PGAP1: variants seen among roughly 807,000 people sequenced by gnomAD.
The protein encoded by PGAP1 is GPI inositol-deacylase.
Under a neutral mutation model 127.0 loss-of-function variants are expected in PGAP1, and 76 were observed. The ratio of observed to expected loss-of-function variants is 0.60; its 90% CI spans 0.50 to 0.72. The LOEUF (loss-of-function observed/expected upper bound fraction) is 0.72, where lower values mean the gene tolerates loss of function less well. Among genes scored for constraint, PGAP1 ranks in the 30% least tolerant of loss-of-function variants. PGAP1 has a pLI of 0.00. For synonymous variants in PGAP1, 362 were observed against 366.5 expected, an observed-to-expected ratio of 0.99 and a Z score of 0.14; for missense variants, 982 against 1,071.3, an observed-to-expected ratio of 0.92 and a Z score of 1.16.
At chr2:196,900,814 C>G (rs1235178920) in intron 5 of PGAP1, among the ~76,000 whole-genome samples, 9 of 152,188 alleles carry the variant, frequency 5.9e-5, no homozygotes, top group East Asian at 5.8e-4. Flanking sequence ...GTAGTCCCAG[C>G]TACTCGGGAG....
At chr2:196,906,562 A>G (rs1242049144) in intron 4 of PGAP1, among the ~76,000 whole-genome samples, 1 of 40,802 alleles carries the variant, frequency 2.5e-5, no homozygotes, top group African/African-American at 5.8e-5. Context: ...CTCCAAAGGA[A>G]CGCAGTTCCT....
At chr2:196,876,950 T>C (rs1701586681) in intron 13 of PGAP1, among the ~76,000 whole-genome samples, 1 of 152,060 alleles carries the variant, frequency 6.6e-6, no homozygotes, top group South Asian at 2.1e-4. Context: ...TAAAAGATTA[T>C]AGCAATCATT....
chr2:196,872,493 T>C lies in PGAP1; in HGVS notation c.1676A>G (p.Asn559Ser). Residue 559 changes from asparagine (N) to serine (S), a missense_variant, in exon 18 of 27, where the codon AAT (asparagine) becomes AGT (serine). Coordinates refer to ENST00000354764, the MANE Select transcript of PGAP1 (RefSeq NM_024989.4). ...LKLHIAQPENNTHVALFKMYT... is the reference protein window; with the variant it reads ...LKLHIAQPENSTHVALFKMYT... ...CATTTTAAATAATGCCACATGGGTA[T>C]TGTTTTCTGGTTGAGCAATATGGAG... 1 of 1,613,544 alleles carries C rather than the reference T, an allele frequency of 6.2e-7. No homozygotes were observed. Among genetic ancestry groups the C allele is most frequent in the Non-Finnish European group, 8.5e-7 (1 of 1,179,478 alleles).
chr2:196,845,397 T>C (rs1242646232), intron 23 of PGAP1, among the ~76,000 whole-genome samples: 1 of 151,662 alleles, frequency 6.6e-6, no homozygotes, highest in Non-Finnish European at 1.5e-5. Context: ...ATCAGACACG[T>C]TTTTCACTTC....
chr2:196,853,620 A>G (rs1170803232), intron 20 of PGAP1, among the ~76,000 whole-genome samples: 1 of 152,168 alleles, frequency 6.6e-6, no homozygotes, highest in Non-Finnish European at 1.5e-5. Flanking sequence ...ACTGCAACAG[A>G]CTTTTCTTTA....
intron 22 of PGAP1, among the ~76,000 whole-genome samples, chr2:196,846,422 G>A (rs1700557231): frequency 6.6e-6 from 1 of 152,112 alleles, no homozygotes; most frequent in Non-Finnish European, 1.5e-5. Flanking sequence ...CATCTCAGAA[G>A]GGTGGAGGAA....
At chr2:196,920,318 A>T (rs1297010145) in intron 1 of PGAP1, among the ~76,000 whole-genome samples, 168 bp from the exon 2 acceptor site, 2 of 152,148 alleles carry the variant, frequency 1.3e-5, no homozygotes, top group African/African-American at 2.4e-5. Flanking sequence ...TAGTTTATTC[A>T]TATAGAGAAT....
rs753211837 is a variant in PGAP1 at position 196,872,598 on chromosome 2, A to G, written c.1620-49T>C. On this transcript the variant is annotated intron_variant, in intron 17 of 26. Coordinates refer to ENST00000354764, the MANE Select transcript of PGAP1 (RefSeq NM_024989.4). ...ATTCTCAAATACAAAATGCTGGTAA[A>G]GAGCCATGGCTAAGTTAATCCTCAG... The G allele has an allele frequency of 4.3e-5, 56 of 1,307,800 alleles. No individual in the cohort carries two copies. In the Middle Eastern group the frequency reaches 7.3e-4, roughly 17 times the overall value. The allele number at this position is 1,307,800 out of a possible 1,614,324, so 81.0% of individuals were successfully genotyped here.
rs1701703608 is a variant in PGAP1, at chr2:196,880,738, A to C, written c.1273-585T>G. Among the ~76,000 whole-genome samples the C allele has an allele frequency of 2.6e-5, 4 of 152,216 alleles. No homozygotes were observed. The South Asian group carries it at 8.3e-4, about 32-fold the overall frequency. ...AATAATGCACCTCACCAAATAAGTAATTATTTATTTCTCAAAATTAAGACC... is the reference window on the plus strand; with the variant it reads ...AATAATGCACCTCACCAAATAAGTACTTATTTATTTCTCAAAATTAAGACC... On this transcript the variant is annotated intron_variant, in intron 12 of 26. Coordinates refer to ENST00000354764, the MANE Select transcript of PGAP1 (RefSeq NM_024989.4).
intron 18 of PGAP1, among the ~76,000 whole-genome samples, chr2:196,872,050 T>A (rs1358375562): frequency 6.6e-6 from 1 of 152,118 alleles, no homozygotes; most frequent in African/African-American, 2.4e-5. Flanking sequence ...GGAAAGAAGA[T>A]CCTTAAGCTA....
intron 4 of PGAP1, among the ~76,000 whole-genome samples, chr2:196,911,161 G>A (rs1394081375): frequency 2.4e-4 from 1 of 4,248 alleles, no homozygotes; most frequent in African/African-American, 1.4e-3. Flanking sequence ...GCACACGTAT[G>A]TTTATTGAGG....
At position 196,834,195 on chromosome 2, in the gene PGAP1, A is replaced by G. The variant is rs1700174033; in HGVS notation, c.*7039T>C. 2 of 151,930 alleles carry G rather than the reference A, an allele frequency of 1.3e-5. No individual in the cohort carries two copies. The highest frequency in any genetic ancestry group is 2.9e-5 in the Non-Finnish European group (2 of 67,904). 9.4% of individuals were successfully genotyped at this position (151,930 alleles called of 1,614,324 possible). On this transcript the variant is annotated 3_prime_UTR_variant, in exon 27 of 27. Transcript: ENST00000354764. ...CAATGCTACCACCTTCTCCTAGAAT[A>G]TTTTTTCAGAAACCTAAGCCAAACC...
chr2:196,873,061 C>A, intron 16 of PGAP1, 35 bp from the exon 17 acceptor site: 2 of 649,908 alleles, frequency 3.1e-6, no homozygotes, highest in Non-Finnish European at 5.4e-6. Flanking sequence ...TTATTAACAA[C>A]ATGTTACCCT....
At chr2:196,901,489 A>C (rs548105863) in intron 5 of PGAP1, among the ~76,000 whole-genome samples, 1 of 152,348 alleles carries the variant, frequency 6.6e-6, no homozygotes, top group East Asian at 1.9e-4. Flanking sequence ...GTTATCTCCT[A>C]AAAAGCAAAA....
chr2:196,914,876 C>T (rs568015447), intron 3 of PGAP1, among the ~76,000 whole-genome samples: 2 of 150,528 alleles, frequency 1.3e-5, no homozygotes, highest in South Asian at 4.2e-4. Flanking sequence ...CGCAGTGGCA[C>T]GATTCATGGC....
intron 10 of PGAP1, among the ~76,000 whole-genome samples, chr2:196,888,544 T>C (rs927087145): frequency 3.3e-5 from 5 of 151,804 alleles, no homozygotes; most frequent in African/African-American, 1.2e-4. Flanking sequence ...AAAGACACTA[T>C]GGGAATACAA....
In PGAP1 at chr2:196,841,031, A is replaced by C. The variant is rs61738066; in HGVS notation, c.*203T>G. ...CATGAATTTTTCAAAAATGATTACT[A>C]CATGGATTCCACACCACAAAACAAA... On this transcript the variant is annotated 3_prime_UTR_variant, in exon 27 of 27. Transcript: ENST00000354764. 2 of 555,904 alleles carry C rather than the reference A, an allele frequency of 3.6e-6. No individual in the cohort carries two copies. Among genetic ancestry groups the C allele is most frequent in the Non-Finnish European group, 6.2e-6 (2 of 324,720 alleles). 34.4% of individuals were successfully genotyped at this position (555,904 alleles called of 1,614,324 possible). A position where few individuals can be genotyped will look rare whatever the true frequency, so the allele number is the denominator to read the frequency against.
At chr2:196,879,106 G>A (rs1030708144) in intron 13 of PGAP1, among the ~76,000 whole-genome samples, 6 of 151,924 alleles carry the variant, frequency 3.9e-5, no homozygotes, top group South Asian at 2.1e-4. Context: ...TATGTTGACC[G>A]GGCTGCAGTA....
At chr2:196,904,278 T>C (rs1452975027) in intron 4 of PGAP1, among the ~76,000 whole-genome samples, 2 of 152,162 alleles carry the variant, frequency 1.3e-5, no homozygotes, top group Admixed American at 6.5e-5. Context: ...CGATCCCGCA[T>C]TGCAAGGGCC....
Sources: gnomAD v4.1 joint callset for allele counts (sites outside exome capture counted in the v4.1 genomes callset) on GRCh38, gnomAD v4.1.1 for gene constraint, MANE v1.5 for transcripts, NCBI Gene and HGNC (gene_info 2026-07-23, HGNC 2026-07-21) for gene names.